SLC8A1: variants seen among roughly 807,000 people sequenced by gnomAD.
The protein encoded by SLC8A1 is sodium/calcium exchanger 1.
In SLC8A1, 18 loss-of-function variants were observed where a neutral mutation model predicts 68.3. The ratio of observed to expected loss-of-function variants is 0.26; its 90% CI spans 0.18 to 0.39. The LOEUF is 0.39. Among genes scored for constraint, SLC8A1 ranks in the 10% least tolerant of loss-of-function variants. The pLI is 1.00. For missense variants in SLC8A1, 985 were observed against 1,156.7 expected (o/e 0.85, Z 2.15); for synonymous variants, 475 against 415.5 (o/e 1.14, Z -1.74).
chr2:40,137,957 G>A (rs2040837954), intron 7 of SLC8A1, among the ~76,000 whole-genome samples: 1 of 152,048 alleles, frequency 6.6e-6, no homozygotes, highest in South Asian at 2.1e-4. Flanking sequence ...TTCATCCATG[G>A]TTAATGAATG....
chr2:40,311,305 T>C (rs139292180), intron 2 of SLC8A1, among the ~76,000 whole-genome samples: 268 of 152,250 alleles, frequency 1.8e-3, no homozygotes, highest in African/African-American at 6.1e-3. Flanking sequence ...CATTTAACAT[T>C]CAAAGCTGTA....
intron 2 of SLC8A1, among the ~76,000 whole-genome samples, chr2:40,206,539 A>T (rs1443169607): frequency 6.6e-6 from 1 of 152,072 alleles, no homozygotes; most frequent in Non-Finnish European, 1.5e-5. Context: ...GTTTATCATA[A>T]CAACATATCT....
chr2:40,305,132 C>A (rs1332747401), intron 2 of SLC8A1, among the ~76,000 whole-genome samples: 1 of 152,196 alleles, frequency 6.6e-6, no homozygotes, highest in Non-Finnish European at 1.5e-5. Flanking sequence ...TAGGAAACAG[C>A]CTTGTCCTAT....
intron 5 of SLC8A1, among the ~76,000 whole-genome samples, chr2:40,161,991 C>T (rs2045769292): frequency 6.6e-6 from 1 of 152,082 alleles, no homozygotes; most frequent in African/African-American, 2.4e-5. Flanking sequence ...AGGCCAAAAC[C>T]AAATCATAAT....
rs533667867 is a variant in SLC8A1 at position 40,236,855 on chromosome 2, T to A, written c.1809-59000A>T. Among the ~76,000 whole-genome samples, 879 of 151,132 alleles carry A rather than the reference T, an allele frequency of 5.8e-3. 8 individuals carry two copies. The highest frequency in any genetic ancestry group is 0.02 in the African/African-American group (824 of 41,254). On this transcript the variant is annotated intron_variant, in intron 2 of 7. Transcript: ENST00000406785. ...TAAAGTATTTTATTTCTCCTTCGCT[T>A]ATGAAGCTTAGTTTGGCTGGATATG...
In SLC8A1 at chr2:40,443,018, A is replaced by G. The variant is rs527855600; in HGVS notation, c.-25+8886T>C. Among the ~76,000 whole-genome samples the G allele has an allele frequency of 2.1e-5, 3 of 143,522 alleles. No individual in the cohort carries two copies. In the South Asian group the frequency reaches 7.7e-4, roughly 37 times the overall value. 94.2% of individuals were successfully genotyped at this position (143,522 alleles called of 152,430 possible). On this transcript the variant is annotated intron_variant, in intron 1 of 7. Coordinates refer to ENST00000406785, the Ensembl canonical transcript of SLC8A1. ...CTAACATAGGAACAGAAAACCAAAC[A>G]CCACACGTTCTCACTCATAAGTAGG...
chr2:40,190,870 C>T (rs1394616547), intron 2 of SLC8A1: 1 of 152,148 alleles, frequency 6.6e-6, no homozygotes, highest in Admixed American at 6.6e-5. Flanking sequence ...TTTCTTCCTT[C>T]TTCAAACATA....
intron 2 of SLC8A1, among the ~76,000 whole-genome samples, chr2:40,418,493 C>T (rs1377774285): frequency 6.6e-6 from 1 of 152,140 alleles, no homozygotes; most frequent in Non-Finnish European, 1.5e-5. Flanking sequence ...TTCTGAGGTA[C>T]TAGGCCACCT....
chr2:40,441,893 C>T (rs1375785367), intron 1 of SLC8A1, among the ~76,000 whole-genome samples: 1 of 151,768 alleles, frequency 6.6e-6, no homozygotes, highest in East Asian at 1.9e-4. Context: ...AAAGCAATTC[C>T]AACAAAAGCC....
rs1056375215 is a variant in SLC8A1, at chr2:40,460,230, T to A, written c.-24-29926A>T. On this transcript the variant is annotated intron_variant, in intron 1 of 7. Coordinates refer to the SLC8A1 transcript ENST00000402441. ...AATTTTTCTCTTATTGTTTCTTTTG[T>A]AAAAAGAAAAATAAAAATCTCTGAA... is the stretch of plus-strand genomic sequence containing the variant. Among the ~76,000 whole-genome samples the A allele has an allele frequency of 9.2e-5, 14 of 152,286 alleles. No individual in the cohort carries two copies. The Middle Eastern group carries it at 0.017, about 185-fold the overall frequency.
intron 2 of SLC8A1, among the ~76,000 whole-genome samples, chr2:40,265,369 G>A (rs1275771343): frequency 1.3e-5 from 2 of 152,070 alleles, no homozygotes; most frequent in African/African-American, 2.4e-5. Context: ...ACAGTACACT[G>A]CTTATTAGAA....
intron 2 of SLC8A1, among the ~76,000 whole-genome samples, chr2:40,333,325 T>C (rs574515716): frequency 7.3e-5 from 11 of 151,610 alleles, no homozygotes; most frequent in South Asian, 2.1e-4. Context: ...GTAGTCCCAG[T>C]TACTCGGGAG....
At chr2:40,436,970 T>C (rs1486717869) in intron 1 of SLC8A1, among the ~76,000 whole-genome samples, 1 of 152,182 alleles carries the variant, frequency 6.6e-6, no homozygotes, top group African/African-American at 2.4e-5. Context: ...ACTGAAATCA[T>C]GGACTGAGCA....
intron 2 of SLC8A1, among the ~76,000 whole-genome samples, chr2:40,264,316 G>C (rs1238433682): frequency 6.6e-6 from 1 of 152,082 alleles, no homozygotes; most frequent in African/African-American, 2.4e-5. Flanking sequence ...TCTAGAACTA[G>C]AAATACCATT....
intron 1 of SLC8A1, among the ~76,000 whole-genome samples, chr2:40,466,801 T>C (rs892831968): frequency 1.3e-5 from 2 of 152,198 alleles, no homozygotes; most frequent in Non-Finnish European, 2.9e-5. Context: ...ACTTGGACTC[T>C]GTATTTCCAA....
intron 1 of SLC8A1, among the ~76,000 whole-genome samples, chr2:40,480,415 A>G (rs1249527122): frequency 2.6e-5 from 4 of 152,166 alleles, no homozygotes; most frequent in Admixed American, 2.6e-4. Flanking sequence ...CACCCCTTGC[A>G]TCATGTGTGG....
chr2:40,173,163 G>C (rs890305756), intron 4 of SLC8A1, among the ~76,000 whole-genome samples: 7 of 152,110 alleles, frequency 4.6e-5, no homozygotes, highest in African/African-American at 1.4e-4. Context: ...AGACTGGCTT[G>C]CCAAATTTAT....
At chr2:40,389,663 C>T (rs1684671573) in intron 2 of SLC8A1, among the ~76,000 whole-genome samples, 1 of 151,884 alleles carries the variant, frequency 6.6e-6, no homozygotes, top group Non-Finnish European at 1.5e-5. Context: ...TACTGCCTTT[C>T]CAATTCCCAT....
intron 3 of SLC8A1, chr2:40,176,088 C>A: frequency 3.2e-6 from 1 of 310,730 alleles, no homozygotes. Flanking sequence ...CCAGAATGTA[C>A]TGTAGCACTT....
Sources: gnomAD v4.1 joint callset for allele counts (sites outside exome capture counted in the v4.1 genomes callset) on GRCh38, gnomAD v4.1.1 for gene constraint, MANE v1.5 for transcripts, NCBI Gene and HGNC (gene_info 2026-07-23, HGNC 2026-07-21) for gene names.